Variants in STAT4 observed in about 807,000 individuals in gnomAD.
The protein encoded by STAT4 is signal transducer and activator of transcription 4.
Under a neutral mutation model 110.5 loss-of-function variants are expected in STAT4, and 42 were observed. The ratio of observed to expected loss-of-function variants is 0.38; its 90% confidence interval spans 0.30 to 0.49. STAT4 has a LOEUF of 0.49. Among genes scored for constraint, STAT4 ranks in the 20% least tolerant of loss-of-function variants. STAT4 has a pLI of 0.95. For synonymous variants in STAT4, 284 were observed against 302.2 expected, an observed-to-expected ratio of 0.94 and a Z score of 0.63; for missense variants, 632 against 887.9, an observed-to-expected ratio of 0.71 and a Z score of 3.66.
rs1463271845 is a variant in STAT4, at chr2:191,046,318, A to C, written c.1252-5170T>G. On this transcript the variant is annotated intron_variant, in intron 14 of 23. Transcript: ENST00000392320. The surrounding 1 kb of genome is among the most constrained non-coding windows in gnomAD (Gnocchi z 4.6). ...GAATTGGCCAGGTTTTAGCTCCTTG[A>C]AGTCTTACTGGAACATGGTGGCATG... Among the ~76,000 whole-genome samples the C allele has an allele frequency of 6.6e-6, 1 of 152,198 alleles. No homozygotes were observed. The highest frequency in any genetic ancestry group is 2.4e-5 in the African/African-American group (1 of 41,442).
In STAT4 at chr2:191,064,562, C is replaced by T. The variant is rs1002814654; in HGVS notation, c.782+245G>A. Among the ~76,000 whole-genome samples the T allele has an allele frequency of 8.5e-5, 13 of 152,164 alleles. No homozygotes were observed. In the East Asian group the frequency reaches 1.2e-3, roughly 14 times the overall value. The stretch of plus-strand genomic sequence containing the variant: ...TTTCAAAATTTATTCGAGTCTTTTA[C>T]GATTGATATCTTGCATGTGAAAATT... On this transcript the variant is annotated intron_variant, in intron 8 of 23. Transcript: ENST00000392320.
At position 191,066,716 on chromosome 2, in the gene STAT4, T is replaced by C. The variant is rs1017413169; in HGVS notation, c.545-201A>G. Among the ~76,000 whole-genome samples the C allele has an allele frequency of 6.6e-6, 1 of 152,190 alleles. No individual in the cohort carries two copies. Among genetic ancestry groups the C allele is most frequent in the African/African-American group, 2.4e-5 (1 of 41,450 alleles). ...ATCCAAGCATGCAAAAAAGGACCTC[T>C]TTATTTTAGAGCTTCAGGAAAAACC... On this transcript the variant is annotated intron_variant, in intron 6 of 23. Transcript: ENST00000392320. The surrounding 1 kb of genome is among the most constrained non-coding windows in gnomAD (Gnocchi z 4.3).
At position 191,064,699 on chromosome 2, in the gene STAT4, A is replaced by G; in HGVS notation, c.782+108T>C. ...TCAGCTGCTAATAAGCCATCAATAA[A>G]CTGAATGAACTGATGTTGCAGTCTA... is the stretch of plus-strand genomic sequence containing the variant. On this transcript the variant is annotated intron_variant, in intron 8 of 23. Transcript: ENST00000392320. The G allele has an allele frequency of 2.2e-6, 3 of 1,346,046 alleles. No individual in the cohort carries two copies. In the South Asian group the frequency reaches 4.6e-5, roughly 20 times the overall value. 83.4% of individuals were successfully genotyped at this position (1,346,046 alleles called of 1,614,324 possible).
intron 3 of STAT4, among the ~76,000 whole-genome samples, chr2:191,096,613 T>C (rs77919178): frequency 6.6e-6 from 1 of 152,128 alleles, no homozygotes; most frequent in Non-Finnish European, 1.5e-5. Flanking sequence ...ATTGATGGAA[T>C]GTATCTCAAA....
rs114648470 is a variant in STAT4 at position 191,060,566 on chromosome 2, G to T, written c.1034+1163C>A. Among the ~76,000 whole-genome samples the T allele has an allele frequency of 2.0e-5, 3 of 152,230 alleles. No homozygotes were observed. The highest frequency in any genetic ancestry group is 7.2e-5 in the African/African-American group (3 of 41,540). On this transcript the variant is annotated intron_variant, in intron 10 of 23. Transcript: ENST00000392320. The surrounding 1 kb of genome is among the most constrained non-coding windows in gnomAD (Gnocchi z 4.5). ...CTTAAGTAGCTGGGATTACAGGCAT[G>T]AGCCAACATGCTCAGCTAATTTTTC...
In STAT4 at chr2:191,031,495, C is replaced by T. The variant is rs1695891869; in HGVS notation, c.2066G>A (p.Gly689Asp). Residue 689 changes from glycine (G) to aspartate (D), a missense_variant, in exon 22 of 24, where the codon GGT (glycine) becomes GAT (aspartate). Transcript: ENST00000392320. This position sits in a 1 kb window ranked among gnomAD's most constrained non-coding sequence, Gnocchi z 4.8. ...AACAGAAGGAACATAACCTTTGTCA[C>T]CCCTTTCTGTTGGTCTTGAAACTGG... ...PCEVSRPTER[G>D]DKGYVPSVFI... 1 of 1,613,008 alleles carries T rather than the reference C, an allele frequency of 6.2e-7. No individual in the cohort carries two copies. The highest frequency in any genetic ancestry group is 8.5e-7 in the Non-Finnish European group (1 of 1,179,560).
rs1177965496 is a variant in STAT4 at position 191,086,180 on chromosome 2, T to C, written c.274-9855A>G. Among the ~76,000 whole-genome samples the C allele has an allele frequency of 6.6e-6, 1 of 152,182 alleles. No homozygotes were observed. The highest frequency in any genetic ancestry group is 2.4e-5 in the African/African-American group (1 of 41,450). On this transcript the variant is annotated intron_variant, in intron 3 of 23. Coordinates refer to ENST00000392320, the MANE Select transcript of STAT4 (RefSeq NM_003151.4). The surrounding 1 kb of genome is among the most constrained non-coding windows in gnomAD (Gnocchi z 5.5). ...GATATGAACAGATGGCTTTGAGGAA[T>C]TGGGATTGATGTACAGAGCCCATAA...
Position 191,069,775 on chromosome 2 carries a change from T to C in STAT4, c.466-4A>G. ...ATTTGGTATCTTGTTCTGTCATCTTTTCACAAAAGAAAACATACTCACTCT... is the reference window on the plus strand; with the variant it reads ...ATTTGGTATCTTGTTCTGTCATCTTCTCACAAAAGAAAACATACTCACTCT... On this transcript the variant is annotated splice_region_variant and splice_polypyrimidine_tract_variant and intron_variant, in intron 5 of 23. Coordinates refer to ENST00000392320, the MANE Select transcript of STAT4 (RefSeq NM_003151.4). 6.2e-7 allele frequency: 1 copy of C among 1,603,734 alleles called. No homozygotes were observed.
intron 8 of STAT4, among the ~76,000 whole-genome samples, chr2:191,063,606 T>C (rs754676766): frequency 6.6e-6 from 1 of 152,182 alleles, no homozygotes; most frequent in Non-Finnish European, 1.5e-5. Context: ...GAACATCTTA[T>C]CAGACTTGGA....
chr2:191,039,016 C>A lies in STAT4; in HGVS notation c.1434+183G>T, dbSNP rs572015237. 6.6e-6 allele frequency among the ~76,000 whole-genome samples: 1 copy of A among 152,284 alleles called. No individual in the cohort carries two copies. Among genetic ancestry groups the A allele is most frequent in the African/African-American group, 2.4e-5 (1 of 41,554 alleles). The stretch of plus-strand genomic sequence containing the variant: ...GCTAGCAGAATTCTCTCAGGGTCCA[C>A]ATATATCAGAACATACTACTTTAAA... On this transcript the variant is annotated intron_variant, in intron 16 of 23. Transcript: ENST00000392320. This position sits in a 1 kb window ranked among gnomAD's most constrained non-coding sequence, Gnocchi z 4.7.
At position 191,140,690 on chromosome 2, in the gene STAT4, T is replaced by G. The variant is rs1324106090; in HGVS notation, c.273+5923A>C. On this transcript the variant is annotated intron_variant, in intron 3 of 23. Transcript: ENST00000392320. This position sits in a 1 kb window ranked among gnomAD's most constrained non-coding sequence, Gnocchi z 4.4. ...CCATGGAAAACAGTATGGAGATTCC[T>G]CAAAGAAAAGCAGAACTGCTATTTA... Among the ~76,000 whole-genome samples the G allele has an allele frequency of 6.6e-6, 1 of 152,128 alleles. No homozygotes were observed. Among genetic ancestry groups the G allele is most frequent in the African/African-American group, 2.4e-5 (1 of 41,428 alleles).
At chr2:191,096,491 T>C (rs1301216791) in intron 3 of STAT4, among the ~76,000 whole-genome samples, 1 of 151,970 alleles carries the variant, frequency 6.6e-6, no homozygotes, top group African/African-American at 2.4e-5. Flanking sequence ...ACATAATCCA[T>C]CACACAAACA....
intron 7 of STAT4, 53 bp from the exon 8 acceptor site, chr2:191,065,011 G>A: frequency 1.4e-6 from 2 of 1,449,376 alleles, no homozygotes; most frequent in Non-Finnish European, 1.8e-6. Context: ...AAGTCACTTA[G>A]AATTCAATTT....
chr2:191,076,471 T>C lies in STAT4; in HGVS notation c.274-146A>G, dbSNP rs953566358. ...GATTTGTTCCAATACTCTGTTCCAT[T>C]AGAAAGTTAGAGAAACTCATACTGT... On this transcript the variant is annotated intron_variant, in intron 3 of 23. Transcript: ENST00000392320. 9 of 638,530 alleles carry C rather than the reference T, an allele frequency of 1.4e-5. No individual in the cohort carries two copies. The African/African-American group carries it at 1.5e-4, about 10-fold the overall frequency. 39.6% of individuals were successfully genotyped at this position (638,530 alleles called of 1,614,324 possible).
In STAT4 at chr2:191,037,789, T is replaced by C. The variant is rs975507141; in HGVS notation, c.1434+1410A>G. 6.6e-6 allele frequency among the ~76,000 whole-genome samples: 1 copy of C among 152,098 alleles called. No individual in the cohort carries two copies. Among genetic ancestry groups the C allele is most frequent in the Non-Finnish European group, 1.5e-5 (1 of 68,018 alleles). On this transcript the variant is annotated intron_variant, in intron 16 of 23. Transcript: ENST00000392320. The surrounding 1 kb of genome is among the most constrained non-coding windows in gnomAD (Gnocchi z 4.8). ...TGAAGAGAAAGAATTTCTAGGGAGA[T>C]GGTTTTTTGTGAACCTGAGAATGGT...
intron 4 of STAT4, among the ~76,000 whole-genome samples, chr2:191,075,837 CTTT>C (rs71407854): frequency 8.5e-4 from 103 of 121,472 alleles, no homozygotes; most frequent in Non-Finnish European, 1.1e-3. Flanking sequence ...TTCTTTCTTT[CTTT>C]TTTTTTTTTT....
chr2:191,047,540 A>G (rs951107655), intron 14 of STAT4, among the ~76,000 whole-genome samples: 1 of 152,240 alleles, frequency 6.6e-6, no homozygotes, highest in Non-Finnish European at 1.5e-5. Flanking sequence ...ACTGGTTGTT[A>G]GTGGAGAGAA....
In STAT4 at chr2:191,076,315, T is replaced by C. The variant is rs1322131618; in HGVS notation, c.284A>G (p.His95Arg). Residue 95 changes from histidine to arginine, a missense_variant, in exon 4 of 24, where the codon CAT becomes CGT. Physicochemically the swap from His to Arg is conservative, Grantham distance 29. Coordinates refer to ENST00000392320, the MANE Select transcript of STAT4 (RefSeq NM_003151.4). ...RIRKVLQGKF[H>R]GNPMHVAVVI... ...CACAGCTACATGCATTGGATTTCCA[T>C]GAAATTTTCCCTGAAAAAAAAAACA... is the stretch of plus-strand genomic sequence containing the variant. 1.3e-6 allele frequency: 2 copies of C among 1,598,158 alleles called. No homozygotes were observed. The highest frequency in any genetic ancestry group is 1.7e-6 in the Non-Finnish European group (2 of 1,175,004).
chr2:191,117,521 T>C lies in STAT4; in HGVS notation c.273+29092A>G, dbSNP rs1559074348. ...TATCTAAAGTAATTGCAGCATGTGATTAAGTGTCAGGATGAGTTGTTTGGA... is the reference window on the plus strand; with the variant it reads ...TATCTAAAGTAATTGCAGCATGTGACTAAGTGTCAGGATGAGTTGTTTGGA... On this transcript the variant is annotated intron_variant, in intron 3 of 23. Transcript: ENST00000392320. The surrounding 1 kb of genome is among the most constrained non-coding windows in gnomAD (Gnocchi z 5.2). 6.6e-6 allele frequency among the ~76,000 whole-genome samples: 1 copy of C among 152,194 alleles called. No individual in the cohort carries two copies. Among genetic ancestry groups the C allele is most frequent in the East Asian group, 1.9e-4 (1 of 5,192 alleles).
Sources: allele counts gnomAD v4.1 joint callset (sites outside exome capture counted in the v4.1 genomes callset), GRCh38; gene constraint gnomAD v4.1.1; non-coding constraint Gnocchi (gnomAD v3.1); transcripts MANE v1.5; gene names NCBI Gene and HGNC (gene_info 2026-07-23, HGNC 2026-07-21).